The following ZDHHC16 variants were observed in gnomAD, a reference collection of about 807,000 sequenced individuals.
ZDHHC16 encodes the protein zDHHC palmitoyltransferase 16.
In ZDHHC16, 33 loss-of-function variants were observed where a neutral mutation model predicts 54.4. The observed-to-expected ratio is 0.61, with a 90% CI of 0.46 to 0.81. ZDHHC16 has a LOEUF of 0.81. Ranked by LOEUF, ZDHHC16 falls within the 30% of genes least tolerant of loss-of-function variation. ZDHHC16 has a pLI of 0.00. For synonymous variants in ZDHHC16, 185 were observed against 182.1 expected, an observed-to-expected ratio of 1.02 and a Z score of -0.13; for missense variants, 420 against 485.9, an observed-to-expected ratio of 0.86 and a Z score of 1.28.
chr10:97,454,958 G>C (rs1847027488), intron 9 of ZDHHC16, among the ~76,000 whole-genome samples, 159 bp downstream of exon 9: 1 of 152,198 alleles, frequency 6.6e-6, no homozygotes, highest in South Asian at 2.1e-4. Flanking sequence ...TTCAGGGCAG[G>C]GAGCACTGAG....
At chr10:97,455,460 C>T in intron 9 of ZDHHC16, 200 bp from the exon 10 acceptor site, 1 of 903,456 alleles carries the variant, frequency 1.1e-6, no homozygotes, top group Admixed American at 2.7e-5. Flanking sequence ...ATCATTTATT[C>T]TTAGGCCACT....
chr10:97,453,432 G>C (rs1206776190), intron 6 of ZDHHC16, 98 bp from the exon 7 acceptor site: 5 of 1,508,232 alleles, frequency 3.3e-6, no homozygotes, highest in Admixed American at 3.8e-5. Flanking sequence ...GAAGCCTGAG[G>C]CTTGGGTGAT....
intron 8 of ZDHHC16, 60 bp from the exon 9 acceptor site, chr10:97,454,654 G>T: frequency 7.0e-7 from 1 of 1,432,222 alleles, no homozygotes; most frequent in Non-Finnish European, 9.9e-7. Context: ...ATAGGTGCTG[G>T]GGGCAGTTGC....
chr10:97,456,085 C>T lies in ZDHHC16; in HGVS notation c.1019+41C>T, dbSNP rs760480340. The T allele has an allele frequency of 3.8e-6, 6 of 1,596,676 alleles. No individual in the cohort carries two copies. In the South Asian group the frequency reaches 4.4e-5, roughly 12 times the overall value. ...CAGACTAATGCTGTCCAACAGAACA[C>T]TGTGATGAGAAAGATGTTCTATGCC... On this transcript the variant is annotated intron_variant, in intron 11 of 11. Transcript: ENST00000393760.
Position 97,456,905 on chromosome 10 carries a change from AGCCACGACTCGAGCACTCATTCT to A in ZDHHC16, c.*17_*39del. On this transcript the variant is annotated 3_prime_UTR_variant, in exon 12 of 12. Transcript: ENST00000393760. The stretch of plus-strand genomic sequence containing the variant: ...ATGGCAGTGTGAGCTGGACTGTGTC[AGCCACGACTCGAGCACTCATTCT>A]GCTCCCTATGTTATTTCAAGGGCCT... 6.3e-7 allele frequency: 1 copy of A among 1,589,504 alleles called. No individual in the cohort carries two copies. Among genetic ancestry groups the A allele is most frequent in the South Asian group, 1.1e-5 (1 of 88,936 alleles).
chr10:97,448,257 G>C (rs1846288243), intron 1 of ZDHHC16: 1 of 152,258 alleles, frequency 6.6e-6, no homozygotes, highest in Admixed American at 6.5e-5. Context: ...GCTGGTATTT[G>C]TAGGACAGAT....
chr10:97,451,967 G>A (rs757423535), intron 3 of ZDHHC16, 49 bp downstream of exon 3: 104 of 1,591,220 alleles, frequency 6.5e-5, no homozygotes, highest in Non-Finnish European at 8.7e-5. Flanking sequence ...GGGAGCAGAG[G>A]GACATGTCTC....
intron 2 of ZDHHC16, 74 bp from the exon 3 acceptor site, chr10:97,451,597 A>T: frequency 6.5e-7 from 1 of 1,534,930 alleles, no homozygotes; most frequent in East Asian, 2.3e-5. Flanking sequence ...CCAAGTGAGT[A>T]CTCTAGGCCT....
rs764506578 is a variant in ZDHHC16, at chr10:97,451,718, T to TGCCTCC, written c.50_55dup (p.Arg17_Leu18dup). On this transcript the variant is annotated inframe_insertion, in exon 3 of 12. Coordinates refer to ENST00000393760, the MANE Select transcript of ZDHHC16 (RefSeq NM_198046.3). ...CCTGCTGCTGGGCCCGGCCCGCCTC[T>TGCCTCC]GCCTCCGCCTCCTTCTGCTGCTGGG... 6.2e-6 allele frequency: 10 copies of TGCCTCC among 1,613,156 alleles called. No individual in the cohort carries two copies. Among genetic ancestry groups the TGCCTCC allele is most frequent in the Non-Finnish European group, 8.5e-6 (10 of 1,180,026 alleles).
Position 97,454,779 on chromosome 10 carries a change from C to G in ZDHHC16, c.804C>G (p.Val268=). 1 of 1,614,212 alleles carries G rather than the reference C, an allele frequency of 6.2e-7. No individual in the cohort carries two copies. Among genetic ancestry groups the G allele is most frequent in the Non-Finnish European group, 8.5e-7 (1 of 1,180,042 alleles). Residue 268 remains valine, a synonymous_variant, in exon 9 of 12, where the codon GTC becomes GTG. Coordinates refer to ENST00000393760, the MANE Select transcript of ZDHHC16 (RefSeq NM_198046.3). ...AAAGGATGACTCACAAGAGTCTTGT[C>G]TACCTCTGGTTCCTGTGCAGGTATT... The part of the protein sequence containing the change: ...FRERMTHKSL[V]YLWFLCSSVA...
At chr10:97,452,379 A>T (rs759529795) in intron 4 of ZDHHC16, 36 bp from the exon 5 acceptor site, 1 of 1,612,312 alleles carries the variant, frequency 6.2e-7, no homozygotes, top group African/African-American at 1.3e-5. Context: ...GAGAGACAGA[A>T]CTGGTGCTGC....
chr10:97,447,047 G>A (rs1487517532), intron 1 of ZDHHC16, among the ~76,000 whole-genome samples: 2 of 152,162 alleles, frequency 1.3e-5, no homozygotes, highest in African/African-American at 4.8e-5. Flanking sequence ...CAGTCCTGCG[G>A]TCCGATCCTC....
chr10:97,455,270 A>G (rs975354647), intron 9 of ZDHHC16, among the ~76,000 whole-genome samples: 6 of 152,166 alleles, frequency 3.9e-5, no homozygotes, highest in Non-Finnish European at 8.8e-5. Context: ...GAAATATAGA[A>G]CATTTTCTCA....
rs1847344060 is a variant in ZDHHC16, at chr10:97,457,050, A to G, written c.*159A>G. 3 of 457,454 alleles carry G rather than the reference A, an allele frequency of 6.6e-6. No individual in the cohort carries two copies. The highest frequency in any genetic ancestry group is 1.2e-5 in the Non-Finnish European group (3 of 260,286). The allele number at this position is 457,454 out of a possible 1,614,324, so 28.3% of individuals were successfully genotyped here. A position where few individuals can be genotyped will look rare whatever the true frequency, so the allele number is the denominator to read the frequency against. ...CAATTCAAGGACCAGCCTTTTTACC[A>G]CTGCAGAAGAAAGACACAATGTGGA... On this transcript the variant is annotated 3_prime_UTR_variant, in exon 12 of 12. Coordinates refer to ENST00000393760, the MANE Select transcript of ZDHHC16 (RefSeq NM_198046.3).
At chr10:97,452,604 C>T (rs969845093) in intron 5 of ZDHHC16, 101 bp downstream of exon 5, 4 of 1,278,990 alleles carry the variant, frequency 3.1e-6, no homozygotes, top group Non-Finnish European at 4.4e-6. Flanking sequence ...GTGAATCACC[C>T]ATCGTGTCCC....
intron 1 of ZDHHC16, among the ~76,000 whole-genome samples, chr10:97,449,322 A>G (rs753657680): frequency 6.6e-6 from 1 of 152,214 alleles, no homozygotes; most frequent in African/African-American, 2.4e-5. Flanking sequence ...CATTGCTACA[A>G]AAAGTATTTT....
intron 2 of ZDHHC16, chr10:97,451,017 A>T (rs973030723): frequency 6.6e-6 from 1 of 152,274 alleles, no homozygotes; most frequent in African/African-American, 2.4e-5. Flanking sequence ...GGAGACAGGG[A>T]ATCTCCTGCT....
rs559830236 is a variant in ZDHHC16, at chr10:97,446,286, G to A, written c.-253G>A. 7 of 516,742 alleles carry A rather than the reference G, an allele frequency of 1.4e-5. No homozygotes were observed. In the Admixed American group the frequency reaches 1.8e-4, roughly 13 times the overall value. The allele number at this position is 516,742 out of a possible 1,614,324, so 32.0% of individuals were successfully genotyped here. ...CCGGCCGGGGCGCCGAGTCGGAGGG[G>A]GTGGCAGTGAGCGGCGGCAGAGGCT... On this transcript the variant is annotated 5_prime_UTR_variant, in exon 1 of 12. Coordinates refer to ENST00000393760, the MANE Select transcript of ZDHHC16 (RefSeq NM_198046.3).
At chr10:97,452,009 C>A in intron 3 of ZDHHC16, 81 bp from the exon 4 acceptor site, 7 of 1,597,960 alleles carry the variant, frequency 4.4e-6, no homozygotes, top group Non-Finnish European at 5.1e-6. Flanking sequence ...TGGAGGCCGG[C>A]CCCCACCCCC....
Sources: gnomAD v4.1 joint callset for allele counts (sites outside exome capture counted in the v4.1 genomes callset) on GRCh38, gnomAD v4.1.1 for gene constraint, MANE v1.5 for transcripts, NCBI Gene and HGNC (gene_info 2026-07-23, HGNC 2026-07-21) for gene names.